The following OR3A2 variants were observed in gnomAD, a reference collection of about 807,000 sequenced individuals.
The protein encoded by OR3A2 is olfactory receptor family 3 subfamily A member 2.
For synonymous variants in OR3A2, 126 were observed against 159.3 expected, an observed-to-expected ratio of 0.79 and a Z score of 1.57; for missense variants, 318 against 392.8, an observed-to-expected ratio of 0.81 and a Z score of 1.61.
intron 2 of OR3A2, among the ~76,000 whole-genome samples, chr17:3,383,145 T>C (rs1567574605): frequency 6.6e-6 from 1 of 152,212 alleles, no homozygotes. Context: ...AATAGGTTCC[T>C]TTGGCCACTA....
At chr17:3,300,296 C>G (rs1034527687) in intron 3 of OR3A2, among the ~76,000 whole-genome samples, 6 of 152,174 alleles carry the variant, frequency 3.9e-5, no homozygotes, top group Non-Finnish European at 8.8e-5. Context: ...CAGTGGCTTA[C>G]GCCTGTAATC....
At chr17:3,348,196 G>A (rs112725560) in intron 2 of OR3A2, among the ~76,000 whole-genome samples, 13,122 of 152,042 alleles carry the variant, frequency 0.086, 1,078 homozygotes, top group East Asian at 0.49. Flanking sequence ...TTTGTAGGTT[G>A]CCTGTTCACT....
chr17:3,355,198 A>G (rs1240442541), intron 2 of OR3A2, among the ~76,000 whole-genome samples: 1 of 151,278 alleles, frequency 6.6e-6, no homozygotes, highest in East Asian at 1.9e-4. Flanking sequence ...ATGTTTTATC[A>G]TTTGTTTTGT....
At chr17:3,307,390 C>T (rs2049007404) in intron 3 of OR3A2, among the ~76,000 whole-genome samples, 1 of 152,228 alleles carries the variant, frequency 6.6e-6, no homozygotes, top group Admixed American at 6.5e-5. Flanking sequence ...AATTCTCTGA[C>T]AACTCCTCCT....
At chr17:3,277,481 T>C (rs2048746286) in exon 2 of OR3A2, 1 of 157,528 alleles carries the variant, frequency 6.3e-6, no homozygotes, top group Admixed American at 6.0e-5. Context: ...ACTTAGGCTG[T>C]GATTGACCGA....
chr17:3,292,686 T>A, intron 3 of OR3A2: 1 of 981,830 alleles, frequency 1.0e-6, no homozygotes. Flanking sequence ...CCCGGCCCTC[T>A]GCCACGTTCC....
At chr17:3,341,970 C>T (rs760915803) in intron 2 of OR3A2, among the ~76,000 whole-genome samples, 1 of 152,148 alleles carries the variant, frequency 6.6e-6, no homozygotes, top group Admixed American at 6.5e-5. Context: ...TTTCTTTTTA[C>T]TCTTTTTTCT....
rs988379384 is a variant in OR3A2, at chr17:3,334,771, A to T, written c.-85+1262T>A. 1.4e-4 allele frequency among the ~76,000 whole-genome samples: 21 copies of T among 152,336 alleles called. 1 individual carries two copies. The highest frequency in any genetic ancestry group is 3.8e-4 in the African/African-American group (16 of 41,588). ...ATACAATCATCTATCCATTTATTCA[A>T]GTGTTATTTCTAGAGAAGAGTGTCA... On this transcript the variant is annotated intron_variant, in intron 3 of 4. Transcript: ENST00000573491.
intron 3 of OR3A2, among the ~76,000 whole-genome samples, chr17:3,319,343 A>C (rs2049101107): frequency 6.6e-6 from 1 of 151,926 alleles, no homozygotes; most frequent in Admixed American, 6.6e-5. Context: ...CTGCTTTTTA[A>C]AATTTATATT....
chr17:3,315,816 T>C (rs2049078729), intron 3 of OR3A2, among the ~76,000 whole-genome samples: 1 of 149,838 alleles, frequency 6.7e-6, no homozygotes, highest in African/African-American at 2.4e-5. Flanking sequence ...CTCTCCAGCC[T>C]TCAGAGTGTC....
chr17:3,382,530 C>A (rs528233537), intron 2 of OR3A2, among the ~76,000 whole-genome samples: 20 of 152,338 alleles, frequency 1.3e-4, no homozygotes, highest in African/African-American at 4.6e-4. Context: ...GGCATGCTGC[C>A]CTTCAGGTGA....
intron 2 of OR3A2, among the ~76,000 whole-genome samples, chr17:3,345,172 G>T (rs1173058666): frequency 6.6e-6 from 1 of 152,180 alleles, no homozygotes; most frequent in Non-Finnish European, 1.5e-5. Flanking sequence ...TCAGAGGAAA[G>T]ATGTCGGTAC....
rs745456364 is a variant in OR3A2, at chr17:3,278,260, CAGT to C, written c.655_657del (p.Thr219del). On this transcript the variant is annotated inframe_deletion, in exon 2 of 2. Transcript: ENST00000642052. Reference sequence around the variant, plus strand: ...ACTGCAGCTGCCACGTGGCTGTAGGCAGTGATGATGAGAACCAAAGGTGTGCCT... The same window carrying C: ...ACTGCAGCTGCCACGTGGCTGTAGGCGATGATGAGAACCAAAGGTGTGCCT... 5.6e-6 allele frequency: 9 copies of C among 1,614,170 alleles called. No homozygotes were observed. In the South Asian group the frequency reaches 8.8e-5, roughly 16 times the overall value.
chr17:3,292,078 G>C (rs2048876422), intron 3 of OR3A2: 1 of 1,614,096 alleles, frequency 6.2e-7, no homozygotes, highest in African/African-American at 1.3e-5. Context: ...CAGAAGTTGA[G>C]CGTGGACATG....
At chr17:3,343,077 A>T (rs1348226088) in intron 2 of OR3A2, among the ~76,000 whole-genome samples, 1 of 152,154 alleles carries the variant, frequency 6.6e-6, no homozygotes, top group Non-Finnish European at 1.5e-5. Flanking sequence ...CACGGGATAT[A>T]ATCTCCTGGT....
chr17:3,341,248 G>A (rs573486486), intron 2 of OR3A2, among the ~76,000 whole-genome samples: 286 of 149,114 alleles, frequency 1.9e-3, no homozygotes, highest in Non-Finnish European at 3.4e-3. Flanking sequence ...CTTTAATTGG[G>A]GCATTTAGCT....
chr17:3,372,045 G>T (rs1485288114), intron 2 of OR3A2, among the ~76,000 whole-genome samples: 1 of 137,896 alleles, frequency 7.3e-6, no homozygotes, highest in East Asian at 2.9e-4. Context: ...CTGCCGGGCG[G>T]AGGGGCTCCT....
chr17:3,299,562 C>T lies in OR3A2; in HGVS notation c.-84-20409G>A, dbSNP rs574976713. On this transcript the variant is annotated intron_variant, in intron 3 of 4. Coordinates refer to the OR3A2 transcript ENST00000573491. ...GACTCTTGGTGATGAGGTTAATGAA[C>T]GGCGAATGTGGAGAGGTTGCCGAGC... Among the ~76,000 whole-genome samples, 8 of 152,286 alleles carry T rather than the reference C, an allele frequency of 5.3e-5. No individual in the cohort carries two copies. The East Asian group carries it at 7.7e-4, about 15-fold the overall frequency.
chr17:3,309,955 C>A, intron 3 of OR3A2: 1 of 210,894 alleles, frequency 4.7e-6, no homozygotes, highest in South Asian at 8.7e-5. Context: ...TATGGCCATG[C>A]CACCATCTGT....
Sources: allele counts gnomAD v4.1 joint callset (sites outside exome capture counted in the v4.1 genomes callset), GRCh38; gene constraint gnomAD v4.1.1; transcripts MANE v1.5; gene names NCBI Gene and HGNC (gene_info 2026-07-23, HGNC 2026-07-21).